DAOA: variants seen among roughly 807,000 people sequenced by gnomAD.
DAOA encodes the protein D-amino acid oxidase regulator.
Under a neutral mutation model 16.4 loss-of-function variants are expected in DAOA, and 15 were observed. The ratio of observed to expected loss-of-function variants is 0.91; its 90% CI spans 0.61 to 1.41. The LOEUF is 1.41. DAOA is among the 40% of genes most tolerant of loss of function. The pLI is 0.00. For synonymous variants in DAOA, 75 were observed against 59.1 expected (o/e 1.27, Z -1.23); for missense variants, 230 against 176.8 (o/e 1.30, Z -1.71).
At chr13:105,473,621 G>A (rs1877145407) in intron 4 of DAOA, among the ~76,000 whole-genome samples, 1 of 152,054 alleles carries the variant, frequency 6.6e-6, no homozygotes, top group Non-Finnish European at 1.5e-5. Context: ...CAAGCAGCTA[G>A]AAAATGGAAA....
intron 3 of DAOA, 34 bp from the exon 4 acceptor site, chr13:105,472,504 T>C (rs780554162): frequency 6.3e-7 from 1 of 1,597,664 alleles, no homozygotes. Context: ...ATAGAGTTAA[T>C]ATGTATTATA....
intron 4 of DAOA, 93 bp downstream of exon 4, chr13:105,472,778 A>G (rs1877062119): frequency 1.7e-6 from 2 of 1,155,034 alleles, no homozygotes; most frequent in Non-Finnish European, 2.4e-6. Context: ...GCTTTTTAAT[A>G]TTAGATTATA....
chr13:105,473,700 T>G (rs1007403313), intron 4 of DAOA, among the ~76,000 whole-genome samples: 1 of 152,088 alleles, frequency 6.6e-6, no homozygotes, highest in Admixed American at 6.5e-5. Flanking sequence ...CACAGTGATT[T>G]TTAGTCCTAC....
intron 3 of DAOA, among the ~76,000 whole-genome samples, chr13:105,471,640 T>G (rs1876963492): frequency 6.6e-6 from 1 of 152,176 alleles, no homozygotes; most frequent in Non-Finnish European, 1.5e-5. Flanking sequence ...ATCAAAGATT[T>G]TACTTGATTA....
intron 3 of DAOA, among the ~76,000 whole-genome samples, chr13:105,469,025 G>GT (rs1254756790): frequency 1.3e-5 from 2 of 152,178 alleles, no homozygotes; most frequent in Admixed American, 1.3e-4. Context: ...TTAAAAATTA[G>GT]TGTAAAATTA....
intron 4 of DAOA, among the ~76,000 whole-genome samples, chr13:105,485,983 A>G (rs1878077474): frequency 6.6e-6 from 1 of 151,864 alleles, no homozygotes; most frequent in South Asian, 2.1e-4. Flanking sequence ...AAACAAACCC[A>G]CTCCCATCCC....
At chr13:105,487,083 G>A (rs1878164207) in intron 4 of DAOA, among the ~76,000 whole-genome samples, 1 of 152,164 alleles carries the variant, frequency 6.6e-6, no homozygotes, top group Non-Finnish European at 1.5e-5. Flanking sequence ...GAGGAGAATG[G>A]AGGAAAAGGA....
intron 4 of DAOA, among the ~76,000 whole-genome samples, chr13:105,481,479 GT>G (rs1877743325): frequency 6.6e-6 from 1 of 152,050 alleles, no homozygotes; most frequent in South Asian, 2.1e-4. Flanking sequence ...TTTCATATAT[GT>G]TTTTATTCAT....
At chr13:105,472,175 AT>A (rs1334495020) in intron 3 of DAOA, among the ~76,000 whole-genome samples, 1 of 152,240 alleles carries the variant, frequency 6.6e-6, no homozygotes, top group African/African-American at 2.4e-5. Flanking sequence ...GGCTATGCAC[AT>A]GTTATTTAAG....
chr13:105,486,079 G>A (rs1878084771), intron 4 of DAOA, among the ~76,000 whole-genome samples: 1 of 152,126 alleles, frequency 6.6e-6, no homozygotes, highest in African/African-American at 2.4e-5. Flanking sequence ...ACTCCAGGCA[G>A]AAGTCAGAGT....
At chr13:105,485,841 A>G (rs986667890) in intron 4 of DAOA, among the ~76,000 whole-genome samples, 1 of 152,202 alleles carries the variant, frequency 6.6e-6, no homozygotes, top group African/African-American at 2.4e-5. Context: ...AGAGAAGGAC[A>G]TTGAACAGAT....
chr13:105,466,715 G>T (rs111765290), intron 2 of DAOA, among the ~76,000 whole-genome samples: 1 of 152,072 alleles, frequency 6.6e-6, no homozygotes, highest in African/African-American at 2.4e-5. Context: ...GTAGAACTGG[G>T]ATAACTTTGT....
chr13:105,489,800 A>G, intron 4 of DAOA, 101 bp from the exon 5 acceptor site: 2 of 1,610,634 alleles, frequency 1.2e-6, no homozygotes, highest in East Asian at 2.2e-5. Flanking sequence ...AGGAGCTGGG[A>G]CTTCTAACCA....
intron 4 of DAOA, 92 bp downstream of exon 4, chr13:105,472,777 T>A: frequency 8.7e-7 from 1 of 1,154,248 alleles, no homozygotes; most frequent in Non-Finnish European, 1.2e-6. Context: ...GGCTTTTTAA[T>A]ATTAGATTAT....
At position 105,477,665 on chromosome 13, in the gene DAOA, A is replaced by C. The variant is rs181129807; in HGVS notation, c.281+4980A>C. 9.3e-4 allele frequency among the ~76,000 whole-genome samples: 141 copies of C among 152,326 alleles called. 1 individual carries two copies. Among genetic ancestry groups the C allele is most frequent in the African/African-American group, 2.7e-3 (113 of 41,576 alleles). ...CTTGAACCCAGAAAGGAGAGTATTC[A>C]GTGAGCCGAGATCACAGCACTGCAG... On this transcript the variant is annotated intron_variant, in intron 4 of 5. Coordinates refer to ENST00000375936, the MANE Select transcript of DAOA (RefSeq NM_172370.5).
chr13:105,468,964 T>G (rs547939213), intron 3 of DAOA, among the ~76,000 whole-genome samples: 2 of 152,342 alleles, frequency 1.3e-5, no homozygotes, highest in East Asian at 3.9e-4. Flanking sequence ...AATGTGGGAA[T>G]AGCAGAATAA....
In DAOA at chr13:105,467,326, A is replaced by T. The variant is rs536477588; in HGVS notation, c.133+185A>T. On this transcript the variant is annotated intron_variant, in intron 3 of 5. Transcript: ENST00000375936. ...CTTGGTTTCTGGAGTGTTAGCAACC[A>T]TTCACACTTACAGTTCAAACAGTGC... 7.2e-4 allele frequency among the ~76,000 whole-genome samples: 109 copies of T among 152,374 alleles called. 1 individual carries two copies. The highest frequency in any genetic ancestry group is 2.1e-3 in the Admixed American group (32 of 15,308).
chr13:105,482,119 AG>A (rs1356913558), intron 4 of DAOA, among the ~76,000 whole-genome samples: 2 of 152,216 alleles, frequency 1.3e-5, no homozygotes, highest in East Asian at 3.9e-4. Flanking sequence ...AGCACAGGAA[AG>A]ACCTGCCCCC....
chr13:105,487,365 A>T (rs1566384490), intron 4 of DAOA, among the ~76,000 whole-genome samples: 1 of 152,158 alleles, frequency 6.6e-6, no homozygotes, highest in Non-Finnish European at 1.5e-5. Context: ...TATTCTGATG[A>T]TGGAGCAGGA....
Sources: gnomAD v4.1 joint callset for allele counts (sites outside exome capture counted in the v4.1 genomes callset) on GRCh38, gnomAD v4.1.1 for gene constraint, MANE v1.5 for transcripts, NCBI Gene and HGNC (gene_info 2026-07-23, HGNC 2026-07-21) for gene names.